SERPINB12: variants seen among roughly 807,000 people sequenced by gnomAD.
SERPINB12 encodes the protein serpin B12.
A neutral mutation model predicts 41.1 loss-of-function variants in SERPINB12; 57 were observed. The observed-to-expected ratio is 1.39, with a 90% confidence interval of 1.12 to 1.73. The LOEUF is 1.73. Among genes scored for constraint, SERPINB12 ranks in the 40% most tolerant of loss-of-function variants. The pLI, the probability that SERPINB12 is intolerant of heterozygous loss-of-function variation, is 0.00. For synonymous variants in SERPINB12, 180 were observed against 181.3 expected (o/e 0.99, Z 0.06); for missense variants, 536 against 501.9 (o/e 1.07, Z -0.65).
chr18:63,550,156 A>G (rs910080082), intron 1 of SERPINB12, among the ~76,000 whole-genome samples: 3 of 152,232 alleles, frequency 2.0e-5, no homozygotes, highest in African/African-American at 7.2e-5. Flanking sequence ...TACTATTTTA[A>G]AAGATTATTT....
chr18:63,536,089 T>C, the SERPINB12 span, among the ~76,000 whole-genome samples: 1 of 151,892 alleles, frequency 6.6e-6, no homozygotes, highest in Non-Finnish European at 1.5e-5. Flanking sequence ...AATTGGTAAA[T>C]CTGGATAAAT....
chr18:63,560,905 C>T (rs1295543931), intron 4 of SERPINB12, among the ~76,000 whole-genome samples, 180 bp from the exon 5 acceptor site: 1 of 152,124 alleles, frequency 6.6e-6, no homozygotes, highest in Non-Finnish European at 1.5e-5. Flanking sequence ...ACTAAAAAAA[C>T]TGAAATGTCT....
At chr18:63,565,687 C>T in intron 7 of SERPINB12, 75 bp downstream of exon 7, 1 of 1,296,972 alleles carries the variant, frequency 7.7e-7, no homozygotes, top group African/African-American at 1.5e-5. Context: ...CTACTATCTA[C>T]CATCTCGAGG....
the SERPINB12 span, among the ~76,000 whole-genome samples, chr18:63,533,777 G>A: frequency 6.6e-6 from 1 of 152,112 alleles, no homozygotes; most frequent in Non-Finnish European, 1.5e-5. Context: ...ACATCTACAA[G>A]CTTAGAATTA....
rs1173451630 is a variant in SERPINB12 at position 63,568,591 on chromosome 18, G to A, written c.*1580G>A. On this transcript the variant is annotated 3_prime_UTR_variant, in exon 8 of 8. Transcript: ENST00000382768. The stretch of plus-strand genomic sequence containing the variant: ...AATGTTCTGCCATGACCACTGACAC[G>A]TCCAACTCACATCTCTTTGGAGTCA... Among the ~76,000 whole-genome samples, 5 of 152,066 alleles carry A rather than the reference G, an allele frequency of 3.3e-5. No individual in the cohort carries two copies. The highest frequency in any genetic ancestry group is 2.1e-4 in the South Asian group (1 of 4,816).
chr18:63,547,127 T>C lies in SERPINB12; in HGVS notation c.-19+4635T>C, dbSNP rs149555982. Among the ~76,000 whole-genome samples, 184 of 152,338 alleles carry C rather than the reference T, an allele frequency of 1.2e-3. 1 individual carries two copies. The highest frequency in any genetic ancestry group is 4.4e-3 in the African/African-American group (181 of 41,572). On this transcript the variant is annotated intron_variant, in intron 1 of 7. Coordinates refer to ENST00000382768, the MANE Select transcript of SERPINB12 (RefSeq NM_001307928.2). ...TATGATGTTTTGGATTTTCTGCAGA[T>C]GTGGCAGTCATCACTGGGAGATATT...
chr18:63,552,257 G>C (rs1254922751), intron 1 of SERPINB12, among the ~76,000 whole-genome samples: 1 of 152,166 alleles, frequency 6.6e-6, no homozygotes, highest in Non-Finnish European at 1.5e-5. Context: ...TTTAAGACCA[G>C]GAGGGTCAAT....
the SERPINB12 span, among the ~76,000 whole-genome samples, chr18:63,523,780 G>T: frequency 6.6e-6 from 1 of 152,206 alleles, no homozygotes; most frequent in African/African-American, 2.4e-5. Context: ...TATAGGAACT[G>T]ATGAGAAGGT....
At position 63,559,709 on chromosome 18, in the gene SERPINB12, AATCT is replaced by A; in HGVS notation, c.436_439del (p.Ile146ValfsTer5). On this transcript the variant is annotated frameshift_variant, in exon 4 of 8. Coordinates refer to ENST00000382768, the MANE Select transcript of SERPINB12 (RefSeq NM_001307928.2). LOFTEE classifies it high-confidence loss of function. ...GGCTTTATGGAGAGCAGGAATTCCC[AATCT>A]GTCAGGTGAGTTGCACACGAATGGT... 4 of 1,614,050 alleles carry A rather than the reference AATCT, an allele frequency of 2.5e-6. No individual in the cohort carries two copies. In the South Asian group the frequency reaches 4.4e-5, roughly 18 times the overall value.
At chr18:63,522,503 C>G in the SERPINB12 span, among the ~76,000 whole-genome samples, 1 of 151,892 alleles carries the variant, frequency 6.6e-6, no homozygotes, top group Admixed American at 6.6e-5. Flanking sequence ...ATCTGGGAAG[C>G]AAAACATTTA....
At chr18:63,555,842 G>A (rs1418174586) in intron 1 of SERPINB12, among the ~76,000 whole-genome samples, 2 of 152,096 alleles carry the variant, frequency 1.3e-5, no homozygotes, top group Admixed American at 6.5e-5. Context: ...GATTTTGGAC[G>A]TTTGTCCCCC....
At chr18:63,561,998 C>T (rs1380308414) in intron 5 of SERPINB12, among the ~76,000 whole-genome samples, 1 of 151,984 alleles carries the variant, frequency 6.6e-6, no homozygotes, top group East Asian at 1.9e-4. Context: ...CTTCCTGTAT[C>T]TAAAATAAAA....
chr18:63,527,763 C>G, the SERPINB12 span, among the ~76,000 whole-genome samples: 1 of 152,088 alleles, frequency 6.6e-6, no homozygotes, highest in African/African-American at 2.4e-5. Context: ...TTAAGAAAGG[C>G]AATTCACAAA....
the SERPINB12 span, among the ~76,000 whole-genome samples, chr18:63,521,847 G>A: frequency 6.6e-6 from 1 of 152,138 alleles, no homozygotes; most frequent in Non-Finnish European, 1.5e-5. Flanking sequence ...TTTAGTTTCA[G>A]CTACAGGGCT....
the SERPINB12 span, among the ~76,000 whole-genome samples, chr18:63,533,372 A>G: frequency 6.6e-6 from 1 of 152,214 alleles, no homozygotes; most frequent in African/African-American, 2.4e-5. Context: ...AGATCTTTCA[A>G]CCTTGACAAT....
At chr18:63,564,556 T>G (rs1911028887) in intron 6 of SERPINB12, among the ~76,000 whole-genome samples, 1 of 152,160 alleles carries the variant, frequency 6.6e-6, no homozygotes, top group African/African-American at 2.4e-5. Flanking sequence ...TGGAGATGCA[T>G]TTTTCTCTCA....
In SERPINB12 at chr18:63,567,801, C is replaced by A. The variant is rs1030688037; in HGVS notation, c.*790C>A. ...TCTCCTCCCCCTAGCTCCAAGAATT[C>A]CCACCTGTGGCTAGCTCCTTTTATG... On this transcript the variant is annotated 3_prime_UTR_variant, in exon 8 of 8. Transcript: ENST00000382768. Among the ~76,000 whole-genome samples, 2 of 152,242 alleles carry A rather than the reference C, an allele frequency of 1.3e-5. No individual in the cohort carries two copies. The highest frequency in any genetic ancestry group is 4.8e-5 in the African/African-American group (2 of 41,472).
chr18:63,525,521 A>G, the SERPINB12 span, among the ~76,000 whole-genome samples: 1 of 152,192 alleles, frequency 6.6e-6, no homozygotes, highest in African/African-American at 2.4e-5. Context: ...TATAAAATTT[A>G]AGAAGTCAAG....
Position 63,559,542 on chromosome 18 carries a change from A to C in SERPINB12, c.304-36A>C, listed in dbSNP as rs199920324. On this transcript the variant is annotated intron_variant, in intron 3 of 7. Transcript: ENST00000382768. ...GCGGTGTTTAGCTCTTCTGATAGACACAGTGAAGGTCACATTTTGTTTCTT... is the reference window on the plus strand; with the variant it reads ...GCGGTGTTTAGCTCTTCTGATAGACCCAGTGAAGGTCACATTTTGTTTCTT... The C allele has an allele frequency of 1.0e-3, 1,620 of 1,610,804 alleles. 21 individuals are homozygous for C. The South Asian group carries it at 0.011, about 11-fold the overall frequency.
Sources: allele counts gnomAD v4.1 joint callset (sites outside exome capture counted in the v4.1 genomes callset), GRCh38; gene constraint gnomAD v4.1.1; transcripts MANE v1.5; gene names NCBI Gene and HGNC (gene_info 2026-07-23, HGNC 2026-07-21).